Variants in ZNF804B observed in about 807,000 individuals in gnomAD.
The protein encoded by ZNF804B is zinc finger 804B.
A neutral mutation model predicts 101.4 loss-of-function variants in ZNF804B; 80 were observed. The ratio of observed to expected loss-of-function variants is 0.79; its 90% CI spans 0.66 to 0.95. The LOEUF is 0.95. Among genes scored for constraint, ZNF804B ranks in the 40% least tolerant of loss-of-function variants. The pLI, the probability that ZNF804B is intolerant of heterozygous loss-of-function variation, is 0.00. For synonymous variants in ZNF804B, 622 were observed against 558.8 expected, an observed-to-expected ratio of 1.11 and a Z score of -1.59; for missense variants, 1,673 against 1,561.9, an observed-to-expected ratio of 1.07 and a Z score of -1.20.
intron 1 of ZNF804B, among the ~76,000 whole-genome samples, chr7:88,827,294 A>G (rs1437065175): frequency 3.3e-5 from 5 of 151,746 alleles, no homozygotes; most frequent in African/African-American, 1.2e-4. Context: ...ATTAAAATAT[A>G]TATAATAATT....
intron 1 of ZNF804B, among the ~76,000 whole-genome samples, chr7:89,019,450 T>C (rs540897983): frequency 8.5e-4 from 130 of 152,212 alleles, no homozygotes; most frequent in African/African-American, 2.8e-3. Context: ...TAATGTTTTC[T>C]GCAGCTGTTG....
chr7:89,271,710 TG>T (rs879503457), intron 2 of ZNF804B, among the ~76,000 whole-genome samples: 2 of 152,152 alleles, frequency 1.3e-5, no homozygotes, highest in Admixed American at 1.3e-4. Flanking sequence ...GGACTTTTTT[TG>T]GTTGATAAGC....
chr7:89,165,547 T>C (rs1423920340), intron 1 of ZNF804B, among the ~76,000 whole-genome samples: 1 of 152,110 alleles, frequency 6.6e-6, no homozygotes, highest in Non-Finnish European at 1.5e-5. Flanking sequence ...GCAGAATCCC[T>C]TAAGATAGGA....
At chr7:89,314,569 G>A (rs1290328267) in intron 2 of ZNF804B, among the ~76,000 whole-genome samples, 1 of 152,140 alleles carries the variant, frequency 6.6e-6, no homozygotes, top group East Asian at 1.9e-4. Context: ...TACATACTGA[G>A]CATTTGCTAC....
intron 1 of ZNF804B, among the ~76,000 whole-genome samples, chr7:88,766,483 T>C (rs918275373): frequency 1.3e-5 from 2 of 152,344 alleles, no homozygotes; most frequent in South Asian, 4.1e-4. Context: ...GAACTGATAA[T>C]ATATTTTTCT....
chr7:89,194,074 C>A (rs1228049212), intron 1 of ZNF804B, among the ~76,000 whole-genome samples: 4 of 152,098 alleles, frequency 2.6e-5, no homozygotes, highest in Admixed American at 6.6e-5. Context: ...TGATGGTGAG[C>A]ATTTTTTCAT....
At chr7:88,835,078 C>T (rs1392188976) in intron 1 of ZNF804B, among the ~76,000 whole-genome samples, 1 of 151,782 alleles carries the variant, frequency 6.6e-6, no homozygotes, top group Non-Finnish European at 1.5e-5. Flanking sequence ...GAGTTTTATT[C>T]TATTTTTATA....
intron 1 of ZNF804B, among the ~76,000 whole-genome samples, chr7:89,037,850 A>G (rs1788952686): frequency 6.6e-6 from 1 of 152,090 alleles, no homozygotes; most frequent in Non-Finnish European, 1.5e-5. Flanking sequence ...TAAGCGGCAA[A>G]TGAACTTTTA....
At chr7:89,155,681 T>G (rs538483568) in intron 1 of ZNF804B, among the ~76,000 whole-genome samples, 1 of 152,320 alleles carries the variant, frequency 6.6e-6, no homozygotes, top group African/African-American at 2.4e-5. Context: ...CAGTTTGAAC[T>G]TCAAGCACCC....
At chr7:89,032,174 T>A (rs1333997854) in intron 1 of ZNF804B, among the ~76,000 whole-genome samples, 1 of 152,096 alleles carries the variant, frequency 6.6e-6, no homozygotes, top group Non-Finnish European at 1.5e-5. Flanking sequence ...AACGTTGATT[T>A]TTTTCCCCCT....
chr7:89,020,187 T>C (rs1788643609), intron 1 of ZNF804B, among the ~76,000 whole-genome samples: 1 of 152,156 alleles, frequency 6.6e-6, no homozygotes, highest in African/African-American at 2.4e-5. Context: ...TGATGATATT[T>C]ACTGTCTTTT....
At chr7:89,096,125 A>G (rs1277518365) in intron 1 of ZNF804B, among the ~76,000 whole-genome samples, 6 of 149,934 alleles carry the variant, frequency 4.0e-5, no homozygotes, top group Non-Finnish European at 1.5e-5. Context: ...ACTGCACTCC[A>G]GCCTGGGTGA....
At chr7:88,912,311 A>C (rs1312619625) in intron 1 of ZNF804B, among the ~76,000 whole-genome samples, 1 of 151,998 alleles carries the variant, frequency 6.6e-6, no homozygotes, top group African/African-American at 2.4e-5. Flanking sequence ...TATAATCTGG[A>C]TATAATCTTT....
chr7:89,017,259 A>G lies in ZNF804B; in HGVS notation c.109-200896A>G, dbSNP rs546320792. ...GGGCTGAGACAATGGGGTTTTCTAG[A>G]TATACAGTCATGTCATCTGCAAACA... On this transcript the variant is annotated intron_variant, in intron 1 of 3. Coordinates refer to ENST00000333190, the MANE Select transcript of ZNF804B (RefSeq NM_181646.5). Among the ~76,000 whole-genome samples the G allele has an allele frequency of 7.2e-5, 11 of 152,300 alleles. No individual in the cohort carries two copies. The East Asian group carries it at 1.9e-3, about 27-fold the overall frequency.
At chr7:88,846,158 T>A (rs1235689949) in intron 1 of ZNF804B, among the ~76,000 whole-genome samples, 1 of 152,236 alleles carries the variant, frequency 6.6e-6, no homozygotes, top group Non-Finnish European at 1.5e-5. Flanking sequence ...ACTCTTGATG[T>A]CCAATAAATC....
intron 1 of ZNF804B, among the ~76,000 whole-genome samples, chr7:89,071,237 A>ACTC (rs1409196349): frequency 2.0e-5 from 3 of 152,096 alleles, no homozygotes; most frequent in Non-Finnish European, 4.4e-5. Flanking sequence ...TGCATGTGGA[A>ACTC]CCCACTCAAT....
intron 1 of ZNF804B, among the ~76,000 whole-genome samples, chr7:88,958,829 T>C (rs898189883): frequency 6.6e-6 from 1 of 151,456 alleles, no homozygotes; most frequent in Non-Finnish European, 1.5e-5. Flanking sequence ...TTGGGAGGAA[T>C]TCTACGGCAC....
chr7:88,776,573 T>TG (rs1357401340), intron 1 of ZNF804B, among the ~76,000 whole-genome samples: 5 of 149,878 alleles, frequency 3.3e-5, no homozygotes, highest in Admixed American at 3.3e-4. Context: ...TTTTTTTTTT[T>TG]TTTTTTTTCA....
At chr7:88,983,861 A>G (rs1469317026) in intron 1 of ZNF804B, among the ~76,000 whole-genome samples, 2 of 152,016 alleles carry the variant, frequency 1.3e-5, no homozygotes, top group East Asian at 3.9e-4. Context: ...ATTCTTGATC[A>G]TTTACCTTGA....
Sources: gnomAD v4.1 joint callset for allele counts (sites outside exome capture counted in the v4.1 genomes callset) on GRCh38, gnomAD v4.1.1 for gene constraint, MANE v1.5 for transcripts, NCBI Gene and HGNC (gene_info 2026-07-23, HGNC 2026-07-21) for gene names.